MSRA: variants seen among roughly 807,000 people sequenced by gnomAD.
The protein encoded by MSRA is methionine sulfoxide reductase A.
In MSRA, 54 loss-of-function variants were observed where a neutral mutation model predicts 31.3. The ratio of observed to expected loss-of-function variants is 1.73; its 90% confidence interval spans 1.39 to 2.17. MSRA has a LOEUF of 2.17. MSRA is among the 30% of genes most tolerant of loss of function. The pLI, the probability that MSRA is intolerant of heterozygous loss-of-function variation, is 0.00. For synonymous variants in MSRA, 169 were observed against 116.5 expected (o/e 1.45, Z -2.90); for missense variants, 507 against 300.9 (o/e 1.69, Z -5.07).
chr8:10,089,745 C>A (rs978656243), intron 1 of MSRA, among the ~76,000 whole-genome samples: 1 of 152,154 alleles, frequency 6.6e-6, no homozygotes, highest in African/African-American at 2.4e-5. Context: ...TGCAGAAGGT[C>A]AAAGGAGAAG....
chr8:10,241,568 T>C (rs1347834512), intron 2 of MSRA, among the ~76,000 whole-genome samples: 1 of 152,170 alleles, frequency 6.6e-6, no homozygotes, highest in African/African-American at 2.4e-5. Context: ...AGTAACAAAG[T>C]AGTAGCTGAG....
At chr8:10,237,251 G>C (rs1738802364) in intron 2 of MSRA, among the ~76,000 whole-genome samples, 1 of 152,234 alleles carries the variant, frequency 6.6e-6, no homozygotes, top group Non-Finnish European at 1.5e-5. Flanking sequence ...GGAGCGCAAA[G>C]CTCCAGCCCA....
intron 3 of MSRA, among the ~76,000 whole-genome samples, chr8:10,251,498 T>A (rs1375650986): frequency 1.3e-5 from 2 of 152,242 alleles, no homozygotes; most frequent in Non-Finnish European, 2.9e-5. Context: ...CAGTTCTTGC[T>A]ACAAGCAATT....
At chr8:10,406,827 G>T (rs1807847400) in intron 5 of MSRA, among the ~76,000 whole-genome samples, 1 of 152,210 alleles carries the variant, frequency 6.6e-6, no homozygotes, top group Admixed American at 6.5e-5. Context: ...CCCATGCTAG[G>T]ATGGCCCTGA....
intron 1 of MSRA, among the ~76,000 whole-genome samples, chr8:10,121,923 C>A (rs1458701503): frequency 6.6e-6 from 1 of 151,868 alleles, no homozygotes; most frequent in Non-Finnish European, 1.5e-5. Context: ...TCAAGTGATC[C>A]TCCTTCCTTG....
At position 10,057,754 on chromosome 8, in the gene MSRA, G is replaced by C. The variant is rs1291233081; in HGVS notation, c.142+3096G>C. ...GTTCTCTCCTGCTCCTTTGTGTGGA[G>C]ATGTGCCAGCTTCCTCTTCTGCCAT... On this transcript the variant is annotated intron_variant, in intron 1 of 5. Transcript: ENST00000317173. 8.5e-5 allele frequency among the ~76,000 whole-genome samples: 13 copies of C among 152,288 alleles called. No homozygotes were observed. In the South Asian group the frequency reaches 2.1e-3, roughly 24 times the overall value.
At chr8:10,301,171 T>C (rs1462378559) in intron 3 of MSRA, among the ~76,000 whole-genome samples, 5 of 152,190 alleles carry the variant, frequency 3.3e-5, no homozygotes, top group Non-Finnish European at 7.3e-5. Context: ...ATAAATTGGC[T>C]CTTTCCCTTT....
chr8:10,085,042 A>G (rs571523820), intron 1 of MSRA, among the ~76,000 whole-genome samples: 60 of 152,326 alleles, frequency 3.9e-4, no homozygotes, highest in African/African-American at 1.3e-3. Context: ...AAATCGTACT[A>G]TGGTTTTAAA....
intron 1 of MSRA, among the ~76,000 whole-genome samples, chr8:10,105,988 G>C (rs772006394): frequency 6.6e-6 from 1 of 152,196 alleles, no homozygotes; most frequent in Non-Finnish European, 1.5e-5. Context: ...AATTGCTTTA[G>C]TAATTATACA....
At chr8:10,345,907 C>T (rs1048892280) in intron 5 of MSRA, among the ~76,000 whole-genome samples, 2 of 152,184 alleles carry the variant, frequency 1.3e-5, no homozygotes, top group African/African-American at 4.8e-5. Flanking sequence ...CACTTGGCAA[C>T]CTACTTTATT....
intron 1 of MSRA, among the ~76,000 whole-genome samples, chr8:10,080,030 C>G (rs1405540301): frequency 6.6e-6 from 1 of 152,216 alleles, no homozygotes. Flanking sequence ...CTCCTTTCCT[C>G]AGAAGCTGAT....
chr8:10,149,070 C>G (rs116653344), intron 1 of MSRA, among the ~76,000 whole-genome samples: 1,545 of 151,612 alleles, frequency 0.01, 29 homozygotes, highest in African/African-American at 0.035. Context: ...ATTGTCTTGC[C>G]TCAGCCTCCC....
intron 4 of MSRA, among the ~76,000 whole-genome samples, chr8:10,303,354 A>C (rs1223141940): frequency 2.6e-5 from 4 of 152,136 alleles, no homozygotes; most frequent in Non-Finnish European, 5.9e-5. Context: ...GGTTGCTAAT[A>C]CCGGCCCCTG....
chr8:10,411,797 C>G (rs1376110686), intron 5 of MSRA, among the ~76,000 whole-genome samples: 4 of 152,180 alleles, frequency 2.6e-5, no homozygotes, highest in Non-Finnish European at 4.4e-5. Flanking sequence ...TTTTAAGCTG[C>G]TGTTGAAAGT....
chr8:10,334,746 G>C (rs1483202506), intron 5 of MSRA, among the ~76,000 whole-genome samples: 2 of 152,224 alleles, frequency 1.3e-5, no homozygotes, highest in African/African-American at 2.4e-5. Flanking sequence ...TGTGTATTTA[G>C]CGCTTAAAGG....
At chr8:10,238,606 C>T (rs571468758) in intron 2 of MSRA, among the ~76,000 whole-genome samples, 3 of 152,028 alleles carry the variant, frequency 2.0e-5, no homozygotes, top group Non-Finnish European at 2.9e-5. Context: ...AGCCCAGAAA[C>T]GGGACTACTT....
At chr8:10,417,531 G>A (rs72603904) in intron 5 of MSRA, among the ~76,000 whole-genome samples, 9,171 of 152,070 alleles carry the variant, frequency 0.06, 971 homozygotes, top group East Asian at 0.4. Flanking sequence ...AACCGCAGGA[G>A]GTGGGGGTGC....
chr8:10,353,546 G>A (rs893119983), intron 5 of MSRA: 29 of 454,236 alleles, frequency 6.4e-5, no homozygotes, highest in African/African-American at 3.6e-4. Flanking sequence ...GACACCTGAC[G>A]TTTCTGTAAC....
intron 1 of MSRA, among the ~76,000 whole-genome samples, chr8:10,192,157 G>A (rs1807563849): frequency 6.6e-6 from 1 of 152,200 alleles, no homozygotes; most frequent in Non-Finnish European, 1.5e-5. Context: ...GGAAGTCATA[G>A]TCTATCATCC....
Sources: gnomAD v4.1 joint callset for allele counts (sites outside exome capture counted in the v4.1 genomes callset) on GRCh38, gnomAD v4.1.1 for gene constraint, MANE v1.5 for transcripts, NCBI Gene and HGNC (gene_info 2026-07-23, HGNC 2026-07-21) for gene names.